The following CSMD1 variants were observed in gnomAD, a reference collection of about 807,000 sequenced individuals.
CSMD1 encodes the protein CUB and Sushi multiple domains 1.
Under a neutral mutation model 417.5 loss-of-function variants are expected in CSMD1, and 213 were observed. That is an observed-to-expected ratio of 0.51 (90% confidence interval 0.46 to 0.57). CSMD1 has a LOEUF of 0.57. Ranked by LOEUF, CSMD1 falls within the 20% of genes least tolerant of loss-of-function variation. CSMD1 has a pLI of 0.00. For missense variants in CSMD1, 6,923 were observed against 4,529.7 expected, an observed-to-expected ratio of 1.53 and a Z score of -15.17; for synonymous variants, 2,862 against 1,736.8, an observed-to-expected ratio of 1.65 and a Z score of -16.11.
chr8:3,267,230 C>T (rs1347317265), intron 26 of CSMD1, among the ~76,000 whole-genome samples: 2 of 152,152 alleles, frequency 1.3e-5, no homozygotes, highest in Non-Finnish European at 2.9e-5. Context: ...CAGTGGCTCA[C>T]TGCTAGCTTG....
At chr8:4,707,870 G>A (rs577626360) in intron 1 of CSMD1, among the ~76,000 whole-genome samples, 1 of 122,086 alleles carries the variant, frequency 8.2e-6, no homozygotes. Context: ...CTGGGGACAA[G>A]AGCAAGACTT....
chr8:3,118,676 T>C (rs904435865), intron 41 of CSMD1, 89 bp from the exon 42 acceptor site: 2 of 1,165,800 alleles, frequency 1.7e-6, no homozygotes, highest in Admixed American at 2.2e-5. Flanking sequence ...ATGTGACTGC[T>C]TGAGATGAAG....
At chr8:4,270,241 A>G (rs1395295317) in intron 3 of CSMD1, among the ~76,000 whole-genome samples, 1 of 152,102 alleles carries the variant, frequency 6.6e-6, no homozygotes, top group Admixed American at 6.5e-5. Flanking sequence ...TTTCTTTCTC[A>G]TGTCTCTTAC....
chr8:4,807,323 T>C (rs1585131864), intron 1 of CSMD1, among the ~76,000 whole-genome samples: 1 of 152,136 alleles, frequency 6.6e-6, no homozygotes, highest in East Asian at 1.9e-4. Context: ...TTTCCAAGGG[T>C]AGGGTGACAG....
chr8:4,063,642 A>G (rs1025489755), intron 3 of CSMD1, among the ~76,000 whole-genome samples: 6 of 152,218 alleles, frequency 3.9e-5, no homozygotes, highest in Non-Finnish European at 5.9e-5. Context: ...TGGACACATC[A>G]GGTGCTGCCT....
rs78353861 is a variant in CSMD1, at chr8:3,614,012, A to T, written c.1097+2698T>A. On this transcript the variant is annotated intron_variant, in intron 8 of 69. Transcript: ENST00000635120. ...AGATAACAAAATCACCTAGGGAGAA[A>T]GTTCTAGGAAATCTATCAAAAAAGC... Among the ~76,000 whole-genome samples the T allele has an allele frequency of 9.2e-3, 1,406 of 152,070 alleles. 29 individuals carry two copies. Among genetic ancestry groups the T allele is most frequent in the African/African-American group, 0.033 (1,349 of 41,362 alleles).
intron 1 of CSMD1, among the ~76,000 whole-genome samples, chr8:4,859,160 T>C (rs367664192): frequency 6.6e-6 from 1 of 151,836 alleles, no homozygotes; most frequent in Non-Finnish European, 1.5e-5. Context: ...AAACAAGCAA[T>C]GGGGAAAGGA....
At chr8:4,289,919 G>A (rs763802481) in intron 3 of CSMD1, among the ~76,000 whole-genome samples, 3 of 152,206 alleles carry the variant, frequency 2.0e-5, no homozygotes, top group Non-Finnish European at 4.4e-5. Context: ...CTGAGTGCAA[G>A]TGAGTAATTA....
At position 3,221,529 on chromosome 8, in the gene CSMD1, A is replaced by AAAACAAACAAAC. The variant is rs35213930; in HGVS notation, c.4485-2099_4485-2088dup. ...TACTGCAAATACTGCCAGACACAGG[A>AAAACAAACAAAC]AAACAAACAAACAAACAAACAAACA... On this transcript the variant is annotated intron_variant, in intron 28 of 69. Transcript: ENST00000635120. Among the ~76,000 whole-genome samples the AAAACAAACAAAC allele has an allele frequency of 2.1e-3, 318 of 150,296 alleles. 3 individuals are homozygous for AAAACAAACAAAC. Among genetic ancestry groups the AAAACAAACAAAC allele is most frequent in the South Asian group, 0.013 (59 of 4,702 alleles).
chr8:3,191,603 G>A (rs1473613509), intron 33 of CSMD1, among the ~76,000 whole-genome samples: 1 of 152,140 alleles, frequency 6.6e-6, no homozygotes, highest in Non-Finnish European at 1.5e-5. Context: ...ATGGGCTTTG[G>A]ATAGTGGGTA....
chr8:3,319,931 T>C (rs548463794), intron 23 of CSMD1, among the ~76,000 whole-genome samples: 2 of 152,114 alleles, frequency 1.3e-5, no homozygotes, highest in South Asian at 4.1e-4. Context: ...AATGGAGAAA[T>C]AGCAGCTCTG....
intron 10 of CSMD1, among the ~76,000 whole-genome samples, chr8:3,519,126 C>T (rs1046203134): frequency 6.6e-6 from 1 of 152,130 alleles, no homozygotes; most frequent in African/African-American, 2.4e-5. Flanking sequence ...GGGTACTGCA[C>T]AACTTAAAAA....
intron 3 of CSMD1, among the ~76,000 whole-genome samples, chr8:4,351,686 T>G (rs977552813): frequency 1.3e-5 from 2 of 152,184 alleles, no homozygotes; most frequent in East Asian, 1.9e-4. Flanking sequence ...AAGAGGAGAC[T>G]TGAATCCTTA....
chr8:3,940,838 G>T (rs940159814), intron 5 of CSMD1, among the ~76,000 whole-genome samples: 2 of 150,358 alleles, frequency 1.3e-5, no homozygotes, highest in South Asian at 2.1e-4. Context: ...CTTAACCCAA[G>T]AAGTTTATTA....
At chr8:4,787,417 C>G in intron 1 of CSMD1, 1 of 750,316 alleles carries the variant, frequency 1.3e-6, no homozygotes, top group South Asian at 1.5e-5. Flanking sequence ...TCCTGCAGTC[C>G]AAGGACAAGA....
chr8:3,211,039 C>G (rs6558737), intron 30 of CSMD1, among the ~76,000 whole-genome samples: 1 of 151,836 alleles, frequency 6.6e-6, no homozygotes. Flanking sequence ...AATTTTTACC[C>G]AAAATTACAT....
intron 1 of CSMD1, among the ~76,000 whole-genome samples, chr8:4,761,859 C>G (rs1225857140): frequency 1.3e-5 from 1 of 78,158 alleles, no homozygotes; most frequent in African/African-American, 4.5e-5. Flanking sequence ...ATCTATCTAT[C>G]TATCTATCTA....
intron 5 of CSMD1, among the ~76,000 whole-genome samples, chr8:3,855,797 A>C (rs1804262751): frequency 6.6e-6 from 1 of 152,194 alleles, no homozygotes; most frequent in African/African-American, 2.4e-5. Flanking sequence ...AGCTTTCTGT[A>C]GAATTTTTAC....
At chr8:3,691,379 A>AC (rs1264683296) in intron 7 of CSMD1, among the ~76,000 whole-genome samples, 1 of 151,630 alleles carries the variant, frequency 6.6e-6, no homozygotes, top group African/African-American at 2.4e-5. Flanking sequence ...AAAAAAAAAC[A>AC]AAACAAAAAA....
Sources: gnomAD v4.1 joint callset for allele counts (sites outside exome capture counted in the v4.1 genomes callset) on GRCh38, gnomAD v4.1.1 for gene constraint, MANE v1.5 for transcripts, NCBI Gene and HGNC (gene_info 2026-07-23, HGNC 2026-07-21) for gene names.